TRMT112: variants seen among roughly 807,000 people sequenced by gnomAD.
The protein encoded by TRMT112 is multifunctional methyltransferase subunit TRM112-like protein.
TRMT112 carries 9 observed loss-of-function variants against 13.8 expected under a neutral mutation model. The observed-to-expected ratio is 0.65, with a 90% CI of 0.39 to 1.14. TRMT112 has a LOEUF of 1.14. TRMT112 is among the 50% of genes most tolerant of loss of function. The pLI is 0.01. For synonymous variants in TRMT112, 64 were observed against 67.0 expected (o/e 0.96, Z 0.22); for missense variants, 196 against 165.5 (o/e 1.18, Z -1.01).
rs374669001 is a variant in TRMT112 at position 64,317,027 on chromosome 11, C to G, written c.270+31G>C. The G allele has an allele frequency of 2.5e-6, 4 of 1,613,642 alleles. No individual in the cohort carries two copies. The Admixed American group carries it at 5.0e-5, about 20-fold the overall frequency. ...CAGCCTCAGTGCGGGAGGCAGGTGG[C>G]CCGGGAAGCAAGTGATGGGCCGCTT... is the stretch of plus-strand genomic sequence containing the variant. On this transcript the variant is annotated intron_variant, in intron 3 of 3. Transcript: ENST00000544844.
At chr11:64,317,677 G>C, upstream of TRMT112, 2 of 885,646 alleles carry the variant, frequency 2.3e-6, no homozygotes, top group Non-Finnish European at 3.4e-6. Flanking sequence ...TGGGAGCTGA[G>C]GTAGGTAGGT....
intron 3 of TRMT112, 36 bp downstream of exon 3, chr11:64,317,022 G>A: frequency 6.2e-7 from 1 of 1,613,488 alleles, no homozygotes; most frequent in Non-Finnish European, 8.5e-7. Context: ...GCGGGAGGCA[G>A]GTGGCCCGGG....
rs764289286 is a variant in TRMT112 at position 64,317,405 on chromosome 11, C to T, written c.79-40G>A. Reference sequence around the variant, plus strand: ...AGTTTAGGCAAGCACTGGACCCCGGCCCACCATCCCGCCCGAAAAGGGAAG... The same window carrying T: ...AGTTTAGGCAAGCACTGGACCCCGGTCCACCATCCCGCCCGAAAAGGGAAG... On this transcript the variant is annotated intron_variant, in intron 1 of 3. Coordinates refer to ENST00000544844, the MANE Select transcript of TRMT112 (RefSeq NM_016404.3). 1.8e-5 allele frequency: 29 copies of T among 1,613,944 alleles called. 1 individual carries two copies. The highest frequency in any genetic ancestry group is 3.3e-4 in the Middle Eastern group (2 of 6,062).
chr11:64,318,481 C>G (rs1363048725), upstream of TRMT112: 3 of 1,441,680 alleles, frequency 2.1e-6, no homozygotes, highest in African/African-American at 4.3e-5. Context: ...TTCCTGCCTG[C>G]CAGACCCCTC....
intron 3 of TRMT112, 29 bp from the exon 4 acceptor site, chr11:64,316,997 A>G: frequency 6.2e-7 from 1 of 1,612,496 alleles, no homozygotes; most frequent in Non-Finnish European, 8.5e-7. Context: ...AGAGCTGAGC[A>G]CTGGCAGCCT....
intron 2 of TRMT112, 25 bp downstream of exon 2, chr11:64,317,239 G>A (rs752744111): frequency 1.9e-6 from 3 of 1,607,382 alleles, no homozygotes; most frequent in African/African-American, 2.7e-5. Context: ...CCCGGGATAT[G>A]CTGGGGCGGG....
chr11:64,318,424 AC>A, upstream of TRMT112: 2 of 1,570,180 alleles, frequency 1.3e-6, no homozygotes, highest in Non-Finnish European at 1.7e-6. Flanking sequence ...ATCCCCCACT[AC>A]CCCCATGGCA....
chr11:64,318,468 T>G, upstream of TRMT112: 1 of 1,488,988 alleles, frequency 6.7e-7, no homozygotes, highest in Non-Finnish European at 9.0e-7. Context: ...AGTATCGCTT[T>G]ATTTCCTGCC....
upstream of TRMT112, chr11:64,317,715 A>G: frequency 6.6e-6 from 5 of 756,194 alleles, no homozygotes; most frequent in South Asian, 8.3e-5. Context: ...ACGCGCCGCT[A>G]CCGGAAGCGT....
At position 64,316,512 on chromosome 11, in the gene TRMT112, C is replaced by T; in HGVS notation, c.*349G>A. ...GTGGCCAGGGCTTCCCCATCAGCTCCCAACGAGCCTCCTCAGGGGGTAGGA... is the reference window on the plus strand; with the variant it reads ...GTGGCCAGGGCTTCCCCATCAGCTCTCAACGAGCCTCCTCAGGGGGTAGGA... On this transcript the variant is annotated 3_prime_UTR_variant, in exon 4 of 4. Transcript: ENST00000544844. The T allele has an allele frequency of 4.2e-6, 1 of 235,666 alleles. No individual in the cohort carries two copies. Among genetic ancestry groups the T allele is most frequent in the Non-Finnish European group, 8.5e-6 (1 of 117,408 alleles). The allele number at this position is 235,666 out of a possible 1,614,324, so 14.6% of individuals were successfully genotyped here. A position where few individuals can be genotyped will look rare whatever the true frequency, so the allele number is the denominator to read the frequency against.
chr11:64,318,504 C>G, upstream of TRMT112: 2 of 1,335,534 alleles, frequency 1.5e-6, no homozygotes, highest in Admixed American at 2.5e-5. Context: ...CTCCGCCCGC[C>G]CGGCTCATCC....
chr11:64,316,509 C>T lies in TRMT112; in HGVS notation c.*352G>A. On this transcript the variant is annotated 3_prime_UTR_variant, in exon 4 of 4. Coordinates refer to ENST00000544844, the MANE Select transcript of TRMT112 (RefSeq NM_016404.3). ...GGGGTGGCCAGGGCTTCCCCATCAG[C>T]TCCCAACGAGCCTCCTCAGGGGGTA... 1 of 234,236 alleles carries T rather than the reference C, an allele frequency of 4.3e-6. No individual in the cohort carries two copies. Among genetic ancestry groups the T allele is most frequent in the South Asian group, 5.5e-5 (1 of 18,332 alleles). The allele number at this position is 234,236 out of a possible 1,614,324, so 14.5% of individuals were successfully genotyped here. A position where few individuals can be genotyped will look rare whatever the true frequency, so the allele number is the denominator to read the frequency against.
upstream of TRMT112, chr11:64,318,285 C>T (rs1239410765): frequency 1.2e-6 from 2 of 1,612,398 alleles, no homozygotes; most frequent in Non-Finnish European, 1.7e-6. Context: ...GGCCGGCGGT[C>T]AGTCTGCGGC....
chr11:64,318,564 C>T (rs1407403343), upstream of TRMT112, among the ~76,000 whole-genome samples: 1 of 152,112 alleles, frequency 6.6e-6, no homozygotes, highest in African/African-American at 2.4e-5. Context: ...TCGTGGGGGC[C>T]TCACCTCCCG....
chr11:64,317,006 C>T lies in TRMT112; in HGVS notation c.271-38G>A, dbSNP rs765980778. On this transcript the variant is annotated intron_variant, in intron 3 of 3. Coordinates refer to ENST00000544844, the MANE Select transcript of TRMT112 (RefSeq NM_016404.3). ...AGGGACAGAGCTGAGCACTGGCAGC[C>T]TCAGTGCGGGAGGCAGGTGGCCCGG... 6.2e-6 allele frequency: 10 copies of T among 1,610,870 alleles called. No homozygotes were observed. The African/African-American group carries it at 6.7e-5, about 11-fold the overall frequency.
rs2035291167 is a variant in TRMT112, at chr11:64,316,905, C to T, written c.334G>A (p.Gly112Arg). The T allele has an allele frequency of 1.2e-6, 2 of 1,611,056 alleles. No individual in the cohort carries two copies. Among genetic ancestry groups the T allele is most frequent in the Non-Finnish European group, 1.7e-6 (2 of 1,178,070 alleles). The change falls in exon 4 of 4, where the codon GGG becomes AGG. Residue 112 changes from glycine (G) to arginine (R), a missense_variant. Coordinates refer to ENST00000544844, the MANE Select transcript of TRMT112 (RefSeq NM_016404.3). ...ESGRMFPISR[G>R]IPNMLLSEEE... is the part of the protein sequence containing the mutation. Reference sequence around the variant, plus strand: ...TCACTCAGCAGCATGTTGGGGATCCCGCGGCTGATGGGGAACATACGTCCA... The same window carrying T: ...TCACTCAGCAGCATGTTGGGGATCCTGCGGCTGATGGGGAACATACGTCCA...
At chr11:64,318,542 C>T (rs890708652), upstream of TRMT112, among the ~76,000 whole-genome samples, 2 of 152,198 alleles carry the variant, frequency 1.3e-5, no homozygotes, top group Admixed American at 6.5e-5. Flanking sequence ...GGCTGCCCAC[C>T]TTTCTCGCCA....
upstream of TRMT112, chr11:64,318,461 A>G (rs1193627302): frequency 6.6e-7 from 1 of 1,514,644 alleles, no homozygotes; most frequent in Non-Finnish European, 8.8e-7. Context: ...GTCTGAGAGT[A>G]TCGCTTTATT....
At chr11:64,318,398 C>T, upstream of TRMT112, 1 of 1,596,692 alleles carries the variant, frequency 6.3e-7, no homozygotes, top group Non-Finnish European at 8.5e-7. Flanking sequence ...TGACCGCTGG[C>T]CCGGCCGGGC....
Sources: gnomAD v4.1 joint callset for allele counts (sites outside exome capture counted in the v4.1 genomes callset) on GRCh38, gnomAD v4.1.1 for gene constraint, MANE v1.5 for transcripts, NCBI Gene and HGNC (gene_info 2026-07-23, HGNC 2026-07-21) for gene names.